The following ASIC2 variants were observed in gnomAD, a reference collection of about 807,000 sequenced individuals.
The protein encoded by ASIC2 is acid sensing ion channel subunit 2.
ASIC2 carries 25 observed loss-of-function variants against 57.3 expected under a neutral mutation model. The observed-to-expected ratio is 0.44, with a 90% CI of 0.32 to 0.61. ASIC2 has a LOEUF of 0.61. Ranked by LOEUF, ASIC2 falls within the 20% of genes least tolerant of loss-of-function variation. The pLI, the probability that ASIC2 is intolerant of heterozygous loss-of-function variation, is 0.06. For missense variants in ASIC2, 641 were observed against 738.1 expected (o/e 0.87, Z 1.52); for synonymous variants, 319 against 307.5 (o/e 1.04, Z -0.39).
chr17:33,095,152 T>C (rs1250254800), intron 2 of ASIC2, among the ~76,000 whole-genome samples: 2 of 152,196 alleles, frequency 1.3e-5, no homozygotes, highest in African/African-American at 2.4e-5. Context: ...ATCATCACCA[T>C]CATCACCATG....
intron 1 of ASIC2, among the ~76,000 whole-genome samples, chr17:34,027,571 T>G (rs1182944707): frequency 6.6e-5 from 10 of 152,234 alleles, no homozygotes; most frequent in Non-Finnish European, 1.5e-4. Flanking sequence ...AGTTGCATAC[T>G]ATTTCAGTTC....
At chr17:33,893,673 T>C (rs763312910) in intron 1 of ASIC2, among the ~76,000 whole-genome samples, 4 of 152,198 alleles carry the variant, frequency 2.6e-5, no homozygotes, top group Admixed American at 6.5e-5. Context: ...AGGTCCATTC[T>C]GGATTTGTGG....
intron 1 of ASIC2, among the ~76,000 whole-genome samples, chr17:33,570,823 C>T (rs1006328633): frequency 3.3e-5 from 5 of 152,138 alleles, no homozygotes; most frequent in African/African-American, 9.7e-5. Context: ...CTCCATGTGG[C>T]ATCTCATCCT....
intron 1 of ASIC2, among the ~76,000 whole-genome samples, chr17:33,707,603 T>G (rs912555162): frequency 6.6e-5 from 10 of 152,212 alleles, no homozygotes; most frequent in Non-Finnish European, 7.3e-5. Context: ...TCGATATTTT[T>G]TACCTCTGTG....
At chr17:33,394,952 C>T (rs534034701) in intron 1 of ASIC2, among the ~76,000 whole-genome samples, 19 of 152,004 alleles carry the variant, frequency 1.2e-4, no homozygotes, top group African/African-American at 2.2e-4. Flanking sequence ...CATCCATCCA[C>T]GCATCCATCC....
intron 9 of ASIC2, among the ~76,000 whole-genome samples, chr17:33,014,446 T>C (rs2091795210): frequency 6.6e-6 from 1 of 151,916 alleles, no homozygotes; most frequent in African/African-American, 2.4e-5. Context: ...GTGCAGCCCA[T>C]GGCTAAGCCT....
chr17:33,032,994 G>A (rs899959471), intron 3 of ASIC2, among the ~76,000 whole-genome samples: 8 of 152,106 alleles, frequency 5.3e-5, no homozygotes, highest in Non-Finnish European at 1.2e-4. Flanking sequence ...GTTGGGCTGA[G>A]CATGGTGGCT....
chr17:33,040,033 G>A (rs1224454832), intron 3 of ASIC2, among the ~76,000 whole-genome samples: 1 of 152,210 alleles, frequency 6.6e-6, no homozygotes, highest in Admixed American at 6.5e-5. Context: ...GAGGAATTCC[G>A]AGGCTAGATG....
intron 3 of ASIC2, among the ~76,000 whole-genome samples, chr17:33,033,280 A>G (rs1298588784): frequency 6.6e-6 from 1 of 152,196 alleles, no homozygotes; most frequent in African/African-American, 2.4e-5. Context: ...ACAGCCGCCC[A>G]AACTGCAGCT....
At chr17:33,772,115 C>A (rs532174020) in intron 1 of ASIC2, among the ~76,000 whole-genome samples, 1 of 152,132 alleles carries the variant, frequency 6.6e-6, no homozygotes, top group Non-Finnish European at 1.5e-5. Flanking sequence ...GAGCAGAACC[C>A]CTTTTCCTGA....
chr17:33,724,880 G>C (rs527291206), intron 1 of ASIC2, among the ~76,000 whole-genome samples: 1 of 151,884 alleles, frequency 6.6e-6, no homozygotes, highest in South Asian at 2.1e-4. Context: ...GCTCCTTCCC[G>C]TTCATTTTTT....
intron 1 of ASIC2, among the ~76,000 whole-genome samples, chr17:34,035,268 C>A (rs1186851391): frequency 6.9e-6 from 1 of 144,852 alleles, no homozygotes; most frequent in African/African-American, 2.8e-5. Flanking sequence ...GAAAGGATTC[C>A]CTATTTAATA....
At chr17:33,744,235 A>T (rs1474645058) in intron 1 of ASIC2, among the ~76,000 whole-genome samples, 1 of 152,246 alleles carries the variant, frequency 6.6e-6, no homozygotes, top group African/African-American at 2.4e-5. Flanking sequence ...AGCAAACCTC[A>T]AAGACTGGTC....
chr17:33,474,495 C>T (rs1490000862), intron 1 of ASIC2, among the ~76,000 whole-genome samples: 1 of 152,232 alleles, frequency 6.6e-6, no homozygotes, highest in African/African-American at 2.4e-5. Flanking sequence ...ATGGCTGTCA[C>T]CACCTCTAAG....
intron 1 of ASIC2, among the ~76,000 whole-genome samples, chr17:33,220,567 A>AG (rs1380330117): frequency 6.6e-6 from 1 of 152,190 alleles, no homozygotes; most frequent in East Asian, 1.9e-4. Context: ...TAATTTCTCT[A>AG]GGTTTCAATG....
intron 1 of ASIC2, among the ~76,000 whole-genome samples, chr17:33,215,989 A>G (rs1344501843): frequency 6.6e-6 from 1 of 152,136 alleles, no homozygotes; most frequent in Non-Finnish European, 1.5e-5. Context: ...GTCAGCCACC[A>G]AGCCCGGCCA....
At chr17:33,597,302 C>T (rs567447731) in intron 1 of ASIC2, among the ~76,000 whole-genome samples, 33 of 152,346 alleles carry the variant, frequency 2.2e-4, no homozygotes, top group African/African-American at 7.9e-4. Context: ...AGAAATGCCT[C>T]CACAGGTGGC....
At chr17:33,769,792 C>A (rs1189169593) in intron 1 of ASIC2, among the ~76,000 whole-genome samples, 2 of 152,214 alleles carry the variant, frequency 1.3e-5, no homozygotes, top group Non-Finnish European at 2.9e-5. Context: ...TGCTGGCAGG[C>A]CTCGTGTCTA....
intron 1 of ASIC2, among the ~76,000 whole-genome samples, chr17:33,510,860 C>T (rs1597757737): frequency 6.6e-6 from 1 of 152,080 alleles, no homozygotes; most frequent in Non-Finnish European, 1.5e-5. Context: ...ACATTCTCTG[C>T]CCGTAGACAT....
Sources: allele counts gnomAD v4.1 joint callset (sites outside exome capture counted in the v4.1 genomes callset), GRCh38; gene constraint gnomAD v4.1.1; transcripts MANE v1.5; gene names NCBI Gene and HGNC (gene_info 2026-07-23, HGNC 2026-07-21).